Variants in PCDHGA9 observed in about 807,000 individuals in gnomAD.
PCDHGA9 encodes the protein protocadherin gamma subfamily A, 9, also known as protocadherin gamma-A9.
In PCDHGA9, 37 loss-of-function variants were observed where a neutral mutation model predicts 62.5. The observed-to-expected ratio is 0.59, with a 90% CI of 0.46 to 0.78. PCDHGA9 has a LOEUF of 0.78. PCDHGA9 is among the 30% of genes least tolerant of loss of function. The probability of loss-of-function intolerance (pLI) is 0.00; values close to 1 mark genes in which losing one functional copy is unlikely to be tolerated. For missense variants in PCDHGA9, 1,138 were observed against 1,166.2 expected, an observed-to-expected ratio of 0.98 and a Z score of 0.35; for synonymous variants, 459 against 484.6, an observed-to-expected ratio of 0.95 and a Z score of 0.69.
chr5:141,478,146 T>C (rs1457995929), intron 1 of PCDHGA9: 1 of 1,613,978 alleles, frequency 6.2e-7, no homozygotes, highest in Non-Finnish European at 8.5e-7. Context: ...CGAGCCGAGT[T>C]CCCCTCTGGC....
intron 2 of PCDHGA9, among the ~76,000 whole-genome samples, chr5:141,503,700 C>G (rs2099828974): frequency 6.6e-6 from 1 of 152,016 alleles, no homozygotes; most frequent in Non-Finnish European, 1.5e-5. Flanking sequence ...GAGATTCCTG[C>G]TTTCCCCTTC....
At chr5:141,499,438 G>A (rs2154592492) in intron 2 of PCDHGA9, among the ~76,000 whole-genome samples, 1 of 152,158 alleles carries the variant, frequency 6.6e-6, no homozygotes, top group Admixed American at 6.5e-5. Context: ...AAAATTAAAA[G>A]GAAAACCACC....
chr5:141,413,129 A>T (rs761379605), intron 1 of PCDHGA9: 41 of 1,536,352 alleles, frequency 2.7e-5, no homozygotes, highest in Non-Finnish European at 3.6e-5. Context: ...GTTGAAACAC[A>T]CAACGTGTCC....
At chr5:141,436,053 A>G (rs971342534) in intron 1 of PCDHGA9, among the ~76,000 whole-genome samples, 2 of 152,232 alleles carry the variant, frequency 1.3e-5, no homozygotes, top group African/African-American at 2.4e-5. Flanking sequence ...TAGTTTTCAA[A>G]TAGAATTTAA....
In PCDHGA9 at chr5:141,438,591, C is replaced by T. The variant is rs12717894; in HGVS notation, c.2424+33215C>T. 3.5e-3 allele frequency among the ~76,000 whole-genome samples: 262 copies of T among 75,376 alleles called. 1 individual carries two copies. The highest frequency in any genetic ancestry group is 4.5e-3 in the Non-Finnish European group (168 of 37,204). 49.4% of individuals were successfully genotyped at this position (75,376 alleles called of 152,430 possible). ...TCTGATATACATACATACATACATA[C>T]ATATATATATATATATATATATATA... On this transcript the variant is annotated intron_variant, in intron 1 of 3. Transcript: ENST00000573521.
chr5:141,402,892 A>G lies in PCDHGA9; in HGVS notation c.-61A>G. ...CACCATACTTTGCAGGGTGGAAGAA[A>G]GAACCTGATGAAGCAGCGCGCACAG... On this transcript the variant is annotated 5_prime_UTR_variant, in exon 1 of 4. Transcript: ENST00000573521. 6.7e-6 allele frequency: 10 copies of G among 1,498,814 alleles called. No homozygotes were observed. The highest frequency in any genetic ancestry group is 8.9e-6 in the Non-Finnish European group (10 of 1,125,052). The allele number at this position is 1,498,814 out of a possible 1,614,324, so 92.8% of individuals were successfully genotyped here.
chr5:141,410,849 C>CTTTTTTTTCTTTTT (rs2095433387), intron 1 of PCDHGA9: 1 of 129,786 alleles, frequency 7.7e-6, no homozygotes, highest in African/African-American at 6.0e-5. Flanking sequence ...TTGTCTTTGT[C>CTTTTTTTTCTTTTT]TTTTTTTTTT....
intron 1 of PCDHGA9, among the ~76,000 whole-genome samples, chr5:141,457,656 G>T (rs2098926936): frequency 6.6e-6 from 1 of 152,244 alleles, no homozygotes; most frequent in Non-Finnish European, 1.5e-5. Context: ...ATGAAGTGCA[G>T]CAAGAATGGT....
chr5:141,488,497 C>T (rs1054409265), intron 1 of PCDHGA9, among the ~76,000 whole-genome samples: 3 of 152,204 alleles, frequency 2.0e-5, no homozygotes, highest in South Asian at 2.1e-4. Flanking sequence ...CTGTAACACT[C>T]ATTCCACATT....
In PCDHGA9 at chr5:141,487,761, C is replaced by T. The variant is rs1331182183; in HGVS notation, c.2425-7046C>T. Reference sequence around the variant, plus strand: ...GTAAGAGGTAACTATGTGGTAGACGCTGTGCTTTGTAACTGTTTCGTGAAT... The same window carrying T: ...GTAAGAGGTAACTATGTGGTAGACGTTGTGCTTTGTAACTGTTTCGTGAAT... On this transcript the variant is annotated intron_variant, in intron 1 of 3. Coordinates refer to ENST00000573521, the MANE Select transcript of PCDHGA9 (RefSeq NM_018921.3). The surrounding 1 kb of genome is among the most constrained non-coding windows in gnomAD (Gnocchi z 5.0). 3.2e-6 allele frequency: 5 copies of T among 1,545,926 alleles called. No individual in the cohort carries two copies. Among genetic ancestry groups the T allele is most frequent in the South Asian group, 1.2e-5 (1 of 83,534 alleles).
chr5:141,453,732 C>T (rs182118864), intron 1 of PCDHGA9, among the ~76,000 whole-genome samples: 9 of 152,332 alleles, frequency 5.9e-5, no homozygotes. Context: ...TTTGTTACTA[C>T]AGCTTAAATA....
At position 141,511,211 on chromosome 5, in the gene PCDHGA9, C is replaced by G; in HGVS notation, c.*38C>G. ...GCCAAGAGCCACAGGGCGGCCTCTC[C>G]CCAACCAGCCCAGCTTCTCCTTACC... On this transcript the variant is annotated 3_prime_UTR_variant, in exon 4 of 4. Transcript: ENST00000573521. The G allele has an allele frequency of 6.2e-7, 1 of 1,608,626 alleles. No individual in the cohort carries two copies. The highest frequency in any genetic ancestry group is 8.5e-7 in the Non-Finnish European group (1 of 1,177,476).
rs1167033357 is a variant in PCDHGA9 at position 141,403,949 on chromosome 5, G to C, written c.997G>C (p.Val333Leu). ...TGGGGGATTGAAAGGGTGGACAAAA[G>C]TGCTCATTTCGGTGGAAGATGTAAA... ...DGGGLKGWTK[V>L]LISVEDVNDN... is the part of the protein sequence containing the mutation. Residue 333 changes from valine to leucine, a missense_variant, in exon 1 of 4, where the codon GTG becomes CTG. Val to Leu is a conservative substitution (Grantham distance 32). Transcript: ENST00000573521. 1.2e-6 allele frequency: 2 copies of C among 1,613,886 alleles called. No homozygotes were observed. The highest frequency in any genetic ancestry group is 1.7e-6 in the Non-Finnish European group (2 of 1,179,878).
chr5:141,439,568 A>G (rs2098121048), intron 1 of PCDHGA9, among the ~76,000 whole-genome samples: 1 of 152,208 alleles, frequency 6.6e-6, no homozygotes, highest in Non-Finnish European at 1.5e-5. Context: ...GTTCTAGAGT[A>G]GGGACTCAGA....
chr5:141,423,513 G>A, intron 1 of PCDHGA9: 2 of 1,613,750 alleles, frequency 1.2e-6, no homozygotes. Context: ...CTCTCATTGC[G>A]GACTCGCAGA....
chr5:141,431,607 A>G lies in PCDHGA9; in HGVS notation c.2424+26231A>G. ...GCGGAAGTGAGGTATTCCTTCCGGT[A>G]TGTGGACGACAAGGCGGCCCAAGTT... is the stretch of plus-strand genomic sequence containing the variant. On this transcript the variant is annotated intron_variant, in intron 1 of 3. Transcript: ENST00000573521. The surrounding 1 kb of genome is among the most constrained non-coding windows in gnomAD (Gnocchi z 4.8). 6.2e-7 allele frequency: 1 copy of G among 1,614,230 alleles called. No individual in the cohort carries two copies. Among genetic ancestry groups the G allele is most frequent in the Non-Finnish European group, 8.5e-7 (1 of 1,180,040 alleles).
At chr5:141,503,598 CAAAAAAA>C (rs765754054) in intron 2 of PCDHGA9, among the ~76,000 whole-genome samples, 8 of 65,766 alleles carry the variant, frequency 1.2e-4, no homozygotes, top group South Asian at 1.1e-3. Context: ...GACTCCAGCT[CAAAAAAA>C]AAAAAAAAAG....
chr5:141,428,744 T>C (rs939886054), intron 1 of PCDHGA9: 10 of 155,306 alleles, frequency 6.4e-5, no homozygotes, highest in African/African-American at 2.4e-4. Context: ...ATATCTACTA[T>C]TGCTTCAGGT....
rs376494807 is a variant in PCDHGA9 at position 141,491,836 on chromosome 5, G to A, written c.2425-2971G>A. 4.2e-5 allele frequency: 62 copies of A among 1,472,880 alleles called. No homozygotes were observed. The highest frequency in any genetic ancestry group is 3.6e-4 in the Middle Eastern group (2 of 5,606). 91.2% of individuals were successfully genotyped at this position (1,472,880 alleles called of 1,614,324 possible). A position where few individuals can be genotyped will look rare whatever the true frequency, so the allele number is the denominator to read the frequency against. On this transcript the variant is annotated intron_variant, in intron 1 of 3. Coordinates refer to ENST00000573521, the MANE Select transcript of PCDHGA9 (RefSeq NM_018921.3). This position sits in a 1 kb window ranked among gnomAD's most constrained non-coding sequence, Gnocchi z 6.9. ...CTGGCTGCGCTCCACCCGATTCTCG[G>A]GATCATTGGACCGTTTGCGCGAAAC...
Sources: gnomAD v4.1 joint callset for allele counts (sites outside exome capture counted in the v4.1 genomes callset) on GRCh38, gnomAD v4.1.1 for gene constraint, Gnocchi (gnomAD v3.1) non-coding constraint, MANE v1.5 for transcripts, NCBI Gene and HGNC (gene_info 2026-07-23, HGNC 2026-07-21) for gene names.